Variants in PIP5K1C observed in about 807,000 individuals in gnomAD.
PIP5K1C encodes the protein phosphatidylinositol 4-phosphate 5-kinase type-1 gamma.
A neutral mutation model predicts 80.1 loss-of-function variants in PIP5K1C; 45 were observed. The observed-to-expected ratio is 0.56, with a 90% CI of 0.44 to 0.72. PIP5K1C has a LOEUF of 0.72. Among genes scored for constraint, PIP5K1C ranks in the 30% least tolerant of loss-of-function variants. The pLI, the probability that PIP5K1C is intolerant of heterozygous loss-of-function variation, is 0.00. For missense variants in PIP5K1C, 753 were observed against 954.6 expected, an observed-to-expected ratio of 0.79 and a Z score of 2.78; for synonymous variants, 498 against 420.1, an observed-to-expected ratio of 1.19 and a Z score of -2.27.
At chr19:3,640,065 G>A (rs2033898093) in intron 15 of PIP5K1C, among the ~76,000 whole-genome samples, 1 of 152,186 alleles carries the variant, frequency 6.6e-6, no homozygotes, top group Non-Finnish European at 1.5e-5. Context: ...AACCCCCAGG[G>A]CTTTAGTTTT....
intron 14 of PIP5K1C, 93 bp from the exon 15 acceptor site, chr19:3,641,902 G>T: frequency 9.9e-7 from 1 of 1,006,366 alleles, no homozygotes; most frequent in South Asian, 1.3e-5. Flanking sequence ...GCCAGTCCCA[G>T]AGGGGAGTTG....
chr19:3,647,603 C>T (rs1193071238), intron 9 of PIP5K1C, among the ~76,000 whole-genome samples: 1 of 152,180 alleles, frequency 6.6e-6, no homozygotes, highest in African/African-American at 2.4e-5. Flanking sequence ...CCCCAGAGAA[C>T]CATCTGGTCC....
At chr19:3,695,471 C>T (rs1187244631) in intron 1 of PIP5K1C, among the ~76,000 whole-genome samples, 1 of 152,210 alleles carries the variant, frequency 6.6e-6, no homozygotes, top group African/African-American at 2.4e-5. Context: ...AGGCAGCCAT[C>T]ACGCCCACTT....
chr19:3,637,811 AC>A lies in PIP5K1C; in HGVS notation c.1920+1072del. 6.5e-7 allele frequency: 1 copy of A among 1,534,898 alleles called. No individual in the cohort carries two copies. Among genetic ancestry groups the A allele is most frequent in the Non-Finnish European group, 8.7e-7 (1 of 1,146,646 alleles). ...GACCCTTCTCCCTTCTCTGCTGCCC[AC>A]CTGGCAGGGCATCAGGACACAGACA... On this transcript the variant is annotated intron_variant, in intron 16 of 17. Transcript: ENST00000335312. This position sits in a 1 kb window ranked among gnomAD's most constrained non-coding sequence, Gnocchi z 7.0.
At chr19:3,654,239 C>T (rs1450813772) in intron 6 of PIP5K1C, among the ~76,000 whole-genome samples, 3 of 152,346 alleles carry the variant, frequency 2.0e-5, no homozygotes, top group East Asian at 1.9e-4. Flanking sequence ...GGCGCAGTGA[C>T]GAGTCTGGGT....
chr19:3,638,466 C>A (rs1449885570), intron 16 of PIP5K1C, among the ~76,000 whole-genome samples: 1 of 152,268 alleles, frequency 6.6e-6, no homozygotes, highest in African/African-American at 2.4e-5. Context: ...ACAGCCCTGT[C>A]TGGACGTCTA....
At chr19:3,695,780 G>A (rs1444080864) in intron 1 of PIP5K1C, among the ~76,000 whole-genome samples, 4 of 148,306 alleles carry the variant, frequency 2.7e-5, no homozygotes, top group African/African-American at 1.0e-4. Flanking sequence ...CAGGCATGCA[G>A]TGGCACGATC....
At position 3,696,913 on chromosome 19, in the gene PIP5K1C, G is replaced by A. The variant is rs541827521; in HGVS notation, c.94+3384C>T. On this transcript the variant is annotated intron_variant, in intron 1 of 17. Coordinates refer to ENST00000335312, the MANE Select transcript of PIP5K1C (RefSeq NM_012398.3). The surrounding 1 kb of genome is among the most constrained non-coding windows in gnomAD (Gnocchi z 4.1). ...GGGTCCTCCTGGAATGTGGGACAGG[G>A]AGCAGAGGAAGAGCAGGGGCGCCAG... is the stretch of plus-strand genomic sequence containing the variant. Among the ~76,000 whole-genome samples the A allele has an allele frequency of 2.0e-5, 3 of 152,344 alleles. No individual in the cohort carries two copies. The South Asian group carries it at 6.2e-4, about 32-fold the overall frequency.
chr19:3,634,581 C>T (rs2033596360), intron 16 of PIP5K1C, among the ~76,000 whole-genome samples: 1 of 152,224 alleles, frequency 6.6e-6, no homozygotes, highest in Non-Finnish European at 1.5e-5. Context: ...CCCCAAGACC[C>T]ACTGCTCGTC....
chr19:3,633,887 C>T (rs1310757152), intron 16 of PIP5K1C, among the ~76,000 whole-genome samples: 2 of 152,184 alleles, frequency 1.3e-5, no homozygotes, highest in East Asian at 1.9e-4. Flanking sequence ...CCACCACAGC[C>T]CCCAATCCTG....
chr19:3,638,124 A>C, intron 16 of PIP5K1C: 1 of 1,300,368 alleles, frequency 7.7e-7, no homozygotes, highest in Non-Finnish European at 1.0e-6. Context: ...GTGAGAACAA[A>C]CCATCTGGGA....
At chr19:3,650,629 C>G (rs1476414861) in intron 8 of PIP5K1C, among the ~76,000 whole-genome samples, 2 of 152,236 alleles carry the variant, frequency 1.3e-5, no homozygotes, top group African/African-American at 4.8e-5. Flanking sequence ...ATCTCCCCAG[C>G]CAAACCCTGA....
At chr19:3,681,240 T>C (rs923743051) in intron 1 of PIP5K1C, among the ~76,000 whole-genome samples, 5 of 151,670 alleles carry the variant, frequency 3.3e-5, no homozygotes, top group Non-Finnish European at 5.9e-5. Context: ...CACTTTTTTT[T>C]TTTTTTTTGA....
chr19:3,674,835 A>G (rs1161280076), intron 1 of PIP5K1C, among the ~76,000 whole-genome samples: 1 of 152,196 alleles, frequency 6.6e-6, no homozygotes, highest in Non-Finnish European at 1.5e-5. Flanking sequence ...GAGGAGTTAC[A>G]GTTTTTAATT....
At chr19:3,699,460 C>T (rs1358631100) in intron 1 of PIP5K1C, among the ~76,000 whole-genome samples, 1 of 152,150 alleles carries the variant, frequency 6.6e-6, no homozygotes, top group Non-Finnish European at 1.5e-5. Context: ...TTCGGGAGGC[C>T]TGGGGGGAGA....
chr19:3,662,585 A>C (rs1483458704), intron 3 of PIP5K1C, among the ~76,000 whole-genome samples: 3 of 152,054 alleles, frequency 2.0e-5, no homozygotes, highest in African/African-American at 7.2e-5. Flanking sequence ...TTATTTTTTG[A>C]GACAGAGTCT....
At chr19:3,673,067 G>T (rs1032021441) in intron 1 of PIP5K1C, among the ~76,000 whole-genome samples, 2 of 92,538 alleles carry the variant, frequency 2.2e-5, no homozygotes, top group Admixed American at 1.6e-4. Context: ...AGGCCTCACT[G>T]CAACCCTGCA....
chr19:3,634,053 C>T (rs773357527), intron 16 of PIP5K1C, among the ~76,000 whole-genome samples: 4 of 152,036 alleles, frequency 2.6e-5, no homozygotes, highest in African/African-American at 4.8e-5. Context: ...CCAGCACAGA[C>T]GTGCTAGGAG....
At position 3,643,087 on chromosome 19, in the gene PIP5K1C, C is replaced by G. The variant is rs2034041187; in HGVS notation, c.1650-148G>C. ...TCCTCCCTCCCACACATTGGATGCT[C>G]CGCCCCCGCGCACCCACATGCAGTG... On this transcript the variant is annotated intron_variant, in intron 13 of 17. Coordinates refer to ENST00000335312, the MANE Select transcript of PIP5K1C (RefSeq NM_012398.3). 4 of 1,466,764 alleles carry G rather than the reference C, an allele frequency of 2.7e-6. No individual in the cohort carries two copies. In the South Asian group the frequency reaches 4.6e-5, roughly 17 times the overall value. The allele number at this position is 1,466,764 out of a possible 1,614,324, so 90.9% of individuals were successfully genotyped here. A position where few individuals can be genotyped will look rare whatever the true frequency, so the allele number is the denominator to read the frequency against.
Sources: allele counts gnomAD v4.1 joint callset (sites outside exome capture counted in the v4.1 genomes callset), GRCh38; gene constraint gnomAD v4.1.1; non-coding constraint Gnocchi (gnomAD v3.1); transcripts MANE v1.5; gene names NCBI Gene and HGNC (gene_info 2026-07-23, HGNC 2026-07-21).